Variants in PRKCA observed in about 807,000 individuals in gnomAD.
PRKCA encodes protein kinase C alpha type.
A neutral mutation model predicts 87.0 loss-of-function variants in PRKCA; 27 were observed. The observed-to-expected ratio is 0.31, with a 90% confidence interval of 0.23 to 0.43. The LOEUF (loss-of-function observed/expected upper bound fraction) is 0.43, where lower values mean the gene tolerates loss of function less well. PRKCA is among the 20% of genes least tolerant of loss of function. The probability of loss-of-function intolerance (pLI) is 1.00; values close to 1 mark genes in which losing one functional copy is unlikely to be tolerated. For synonymous variants in PRKCA, 329 were observed against 311.1 expected (o/e 1.06, Z -0.61); for missense variants, 518 against 852.3 (o/e 0.61, Z 4.88).
chr17:66,317,903 T>G (rs1905408293), intron 2 of PRKCA, among the ~76,000 whole-genome samples: 1 of 152,240 alleles, frequency 6.6e-6, no homozygotes. Flanking sequence ...AAATGTAAAA[T>G]ATTTTAACTT....
intron 3 of PRKCA, among the ~76,000 whole-genome samples, chr17:66,509,532 G>T (rs1917133808): frequency 6.6e-6 from 1 of 152,156 alleles, no homozygotes; most frequent in African/African-American, 2.4e-5. Flanking sequence ...CAGTCTTTTT[G>T]TTCCATTCAG....
intron 14 of PRKCA, chr17:66,778,077 CT>C (rs1488938228): frequency 3.0e-6 from 3 of 985,294 alleles, no homozygotes; most frequent in Non-Finnish European, 3.6e-6. Flanking sequence ...CCCTACTAAG[CT>C]CACGCCCCCT....
At chr17:66,736,335 T>C (rs1294325770) in intron 10 of PRKCA, among the ~76,000 whole-genome samples, 4 of 150,862 alleles carry the variant, frequency 2.7e-5, no homozygotes, top group Admixed American at 6.6e-5. Context: ...TGGAGTGCAA[T>C]GGTGCGATCT....
intron 2 of PRKCA, among the ~76,000 whole-genome samples, chr17:66,428,746 C>T (rs780796471): frequency 1.2e-4 from 18 of 152,194 alleles, no homozygotes; most frequent in South Asian, 4.2e-4. Context: ...TCAAGTGATC[C>T]GCCCACTCTG....
At chr17:66,423,264 CA>C (rs1912593328) in intron 2 of PRKCA, among the ~76,000 whole-genome samples, 1 of 152,162 alleles carries the variant, frequency 6.6e-6, no homozygotes, top group South Asian at 2.1e-4. Flanking sequence ...CTCATGTCAT[CA>C]AGCTGGTAGT....
At chr17:66,421,283 G>C (rs1369805756) in intron 2 of PRKCA, among the ~76,000 whole-genome samples, 2 of 152,146 alleles carry the variant, frequency 1.3e-5, no homozygotes, top group Non-Finnish European at 2.9e-5. Flanking sequence ...GAGTTCACAG[G>C]CTCTTCTAAT....
intron 2 of PRKCA, among the ~76,000 whole-genome samples, chr17:66,408,650 AT>A (rs1911561801): frequency 6.6e-6 from 1 of 152,166 alleles, no homozygotes; most frequent in South Asian, 2.1e-4. Flanking sequence ...ACAAATCTTC[AT>A]TTCATTTTAC....
intron 3 of PRKCA, among the ~76,000 whole-genome samples, chr17:66,553,465 C>T (rs1477687939): frequency 6.6e-5 from 10 of 152,206 alleles, no homozygotes; most frequent in Non-Finnish European, 1.2e-4. Flanking sequence ...CTTGAATACT[C>T]CTCCCTGCCA....
rs79035479 is a variant in PRKCA at position 66,403,328 on chromosome 17, G to C, written c.206-92873G>C. Among the ~76,000 whole-genome samples, 528 of 152,248 alleles carry C rather than the reference G, an allele frequency of 3.5e-3. 3 individuals are homozygous for C. The highest frequency in any genetic ancestry group is 0.012 in the African/African-American group (498 of 41,532). On this transcript the variant is annotated intron_variant, in intron 2 of 16. Transcript: ENST00000413366. Reference sequence around the variant, plus strand: ...ATCATTCCTGACCCTGATTTAGTGGGAGAGACAGAGATGCCTATATATTGG... The same window carrying C: ...ATCATTCCTGACCCTGATTTAGTGGCAGAGACAGAGATGCCTATATATTGG...
intron 3 of PRKCA, among the ~76,000 whole-genome samples, chr17:66,502,817 G>A (rs763261135): frequency 1.3e-5 from 2 of 151,904 alleles, no homozygotes; most frequent in Admixed American, 6.6e-5. Flanking sequence ...ACCACACCTG[G>A]CTAATTTTTT....
intron 2 of PRKCA, among the ~76,000 whole-genome samples, chr17:66,464,812 A>G (rs1730894977): frequency 6.6e-6 from 1 of 152,170 alleles, no homozygotes; most frequent in Non-Finnish European, 1.5e-5. Context: ...AGCCTATAAT[A>G]TCTTCTGATT....
rs116685658 is a variant in PRKCA, at chr17:66,487,830, A to G, written c.206-8371A>G. On this transcript the variant is annotated intron_variant, in intron 2 of 16. Transcript: ENST00000413366. ...GTTTGTCATCTTTTGAGAAATGTCTATTCAGGTCTTTTGCCCATTTTAAAA... is the reference window on the plus strand; with the variant it reads ...GTTTGTCATCTTTTGAGAAATGTCTGTTCAGGTCTTTTGCCCATTTTAAAA... 8.7e-3 allele frequency among the ~76,000 whole-genome samples: 1,331 copies of G among 152,232 alleles called. 19 individuals are homozygous for G. Among genetic ancestry groups the G allele is most frequent in the African/African-American group, 0.031 (1,285 of 41,544 alleles).
At chr17:66,442,534 A>G (rs1913826835) in intron 2 of PRKCA, among the ~76,000 whole-genome samples, 1 of 152,130 alleles carries the variant, frequency 6.6e-6, no homozygotes, top group African/African-American at 2.4e-5. Flanking sequence ...TCTAGGATGA[A>G]GTCCAGGATC....
chr17:66,409,382 AC>A, intron 2 of PRKCA, among the ~76,000 whole-genome samples: 1 of 152,206 alleles, frequency 6.6e-6, no homozygotes, highest in African/African-American at 2.4e-5. Flanking sequence ...ACTCCTGTGG[AC>A]CATGTCTGTT....
At chr17:66,451,295 A>G (rs990579125) in intron 2 of PRKCA, among the ~76,000 whole-genome samples, 4 of 152,170 alleles carry the variant, frequency 2.6e-5, no homozygotes, top group Non-Finnish European at 4.4e-5. Context: ...GATTGAATAT[A>G]ATAGGATTCC....
intron 8 of PRKCA, among the ~76,000 whole-genome samples, chr17:66,690,680 T>C (rs752776212): frequency 3.8e-4 from 58 of 151,480 alleles, no homozygotes; most frequent in Non-Finnish European, 7.8e-4. Context: ...ATACAAAAAT[T>C]AGCCGGGTTT....
intron 2 of PRKCA, among the ~76,000 whole-genome samples, chr17:66,394,205 G>T (rs529660357): frequency 7.3e-4 from 111 of 152,064 alleles, no homozygotes; most frequent in Non-Finnish European, 1.4e-3. Flanking sequence ...TCTTTTTTTT[G>T]AAAGCAGAGG....
chr17:66,592,311 C>T (rs964954621), intron 3 of PRKCA, among the ~76,000 whole-genome samples: 1 of 136,200 alleles, frequency 7.3e-6, no homozygotes, highest in Non-Finnish European at 1.5e-5. Flanking sequence ...GCCAAGATTG[C>T]ACCACTGCAC....
At chr17:66,354,245 T>C (rs1907916635) in intron 2 of PRKCA, among the ~76,000 whole-genome samples, 1 of 152,206 alleles carries the variant, frequency 6.6e-6, no homozygotes, top group Non-Finnish European at 1.5e-5. Context: ...ACACCAGGAC[T>C]CAAACTTAAG....
Sources: allele counts gnomAD v4.1 joint callset (sites outside exome capture counted in the v4.1 genomes callset), GRCh38; gene constraint gnomAD v4.1.1; transcripts MANE v1.5; gene names NCBI Gene and HGNC (gene_info 2026-07-23, HGNC 2026-07-21).